The following EXTL3 variants were observed in gnomAD, a reference collection of about 807,000 sequenced individuals.
EXTL3 encodes the protein exostosin-like 3.
In EXTL3, 27 loss-of-function variants were observed where a neutral mutation model predicts 69.3. The ratio of observed to expected loss-of-function variants is 0.39; its 90% CI spans 0.29 to 0.54. The LOEUF is 0.54. Among genes scored for constraint, EXTL3 ranks in the 20% least tolerant of loss-of-function variants. EXTL3 has a pLI of 0.69. For missense variants in EXTL3, 1,003 were observed against 1,231.8 expected (o/e 0.81, Z 2.78); for synonymous variants, 511 against 499.4 (o/e 1.02, Z -0.31).
intron 1 of EXTL3, among the ~76,000 whole-genome samples, chr8:28,672,544 A>G (rs945549191): frequency 3.9e-5 from 6 of 152,192 alleles, no homozygotes; most frequent in Non-Finnish European, 7.4e-5. Flanking sequence ...ACTGGTTCTC[A>G]AAGTGTATTC....
At chr8:28,671,614 C>T (rs1232018607) in intron 1 of EXTL3, among the ~76,000 whole-genome samples, 1 of 152,206 alleles carries the variant, frequency 6.6e-6, no homozygotes. Context: ...GCTGGGATTA[C>T]AGGCATGAGC....
At chr8:28,705,899 C>G (rs879578344) in intron 1 of EXTL3, among the ~76,000 whole-genome samples, 1 of 152,144 alleles carries the variant, frequency 6.6e-6, no homozygotes, top group Non-Finnish European at 1.5e-5. Context: ...GCAGAAATCA[C>G]CTATAATTTC....
chr8:28,639,292 C>T (rs1425267267), intron 1 of EXTL3, among the ~76,000 whole-genome samples: 1 of 152,066 alleles, frequency 6.6e-6, no homozygotes, highest in Admixed American at 6.6e-5. Context: ...AGTCCAGTCC[C>T]GGGTTCTCAA....
chr8:28,696,096 T>A (rs1467337328), intron 1 of EXTL3: 1 of 152,170 alleles, frequency 6.6e-6, no homozygotes. Context: ...AGGGTCTTCC[T>A]GTGTTGCCCA....
intron 3 of EXTL3, among the ~76,000 whole-genome samples, chr8:28,723,640 GTTTTTTTTTTTT>G (rs34831917): frequency 8.3e-6 from 1 of 120,930 alleles, no homozygotes; most frequent in East Asian, 2.4e-4. Flanking sequence ...GCTCAGGACT[GTTTTTTTTTTTT>G]TTTTTTTGAG....
intron 1 of EXTL3, among the ~76,000 whole-genome samples, chr8:28,679,729 T>TA (rs33956566): frequency 7.5e-4 from 105 of 140,696 alleles, no homozygotes; most frequent in Admixed American, 1.2e-3. Context: ...CCCTACCTCT[T>TA]AAAAAAAAAA....
At chr8:28,658,064 G>A (rs918241744) in intron 1 of EXTL3, among the ~76,000 whole-genome samples, 1 of 152,210 alleles carries the variant, frequency 6.6e-6, no homozygotes, top group African/African-American at 2.4e-5. Flanking sequence ...CAGGGGCACC[G>A]GGCAGGAAGC....
At chr8:28,655,694 A>G (rs751595798) in intron 1 of EXTL3, among the ~76,000 whole-genome samples, 15 of 151,822 alleles carry the variant, frequency 9.9e-5, no homozygotes, top group Non-Finnish European at 1.5e-4. Context: ...AGGTTTTGCT[A>G]TGTTTCCTAG....
At chr8:28,621,080 T>C (rs904508224), upstream of EXTL3, among the ~76,000 whole-genome samples, 4 of 152,206 alleles carry the variant, frequency 2.6e-5, no homozygotes, top group Non-Finnish European at 5.9e-5. Context: ...TGTCATTCAG[T>C]GTGTGTGATT....
intron 1 of EXTL3, among the ~76,000 whole-genome samples, chr8:28,671,855 T>C (rs1807299952): frequency 6.6e-6 from 1 of 152,158 alleles, no homozygotes; most frequent in Non-Finnish European, 1.5e-5. Context: ...CTTGCAGTGA[T>C]TTTTTCAGAG....
upstream of EXTL3, among the ~76,000 whole-genome samples, chr8:28,618,901 G>C (rs997898703): frequency 6.6e-6 from 1 of 150,554 alleles, no homozygotes; most frequent in Non-Finnish European, 1.5e-5. Flanking sequence ...TGGCTAACAC[G>C]ATGAAACCCC....
rs1425739946 is a variant in EXTL3 at position 28,731,481 on chromosome 8, TGGCTGGATGCA to T, written c.2276+136_2276+146del. ...AGATAGTCAGGGCTGATGTAGGACG[TGGCTGGATGCA>T]GGCTCGTAGATGGCGTTGGAGGAGT... On this transcript the variant is annotated intron_variant, in intron 4 of 6. Transcript: ENST00000220562. 3 of 927,338 alleles carry T rather than the reference TGGCTGGATGCA, an allele frequency of 3.2e-6. No homozygotes were observed. The African/African-American group carries it at 4.9e-5, about 15-fold the overall frequency. The allele number at this position is 927,338 out of a possible 1,614,324, so 57.4% of individuals were successfully genotyped here.
chr8:28,740,741 A>G (rs1801759211), intron 5 of EXTL3: 1 of 152,120 alleles, frequency 6.6e-6, no homozygotes, highest in Non-Finnish European at 1.5e-5. Context: ...ATATATATGT[A>G]TATTTACTTA....
chr8:28,631,110 A>T lies in EXTL3; in HGVS notation c.-53+8300A>T, dbSNP rs189953528. Among the ~76,000 whole-genome samples, 3 of 152,108 alleles carry T rather than the reference A, an allele frequency of 2.0e-5. No homozygotes were observed. The East Asian group carries it at 5.8e-4, about 29-fold the overall frequency. ...GTGACATCATTTTCTTATTCTAGTA[A>T]GAGAAAGTACACAGATTCAACTTTA... On this transcript the variant is annotated intron_variant, in intron 1 of 6. Coordinates refer to the EXTL3 transcript ENST00000523149.
At chr8:28,626,833 C>T (rs1806498703) in intron 1 of EXTL3, among the ~76,000 whole-genome samples, 1 of 152,194 alleles carries the variant, frequency 6.6e-6, no homozygotes, top group Admixed American at 6.5e-5. Flanking sequence ...CCTCAGGCGT[C>T]AGCATGGGAG....
At chr8:28,704,692 G>A (rs948923981) in intron 1 of EXTL3, among the ~76,000 whole-genome samples, 3 of 150,598 alleles carry the variant, frequency 2.0e-5, no homozygotes, top group East Asian at 1.9e-4. Context: ...CTATTGAGAC[G>A]GCGTCTCGCT....
chr8:28,641,158 A>G (rs976115819), intron 1 of EXTL3, among the ~76,000 whole-genome samples: 28 of 152,204 alleles, frequency 1.8e-4, no homozygotes, highest in African/African-American at 6.5e-4. Context: ...CATTGTATTC[A>G]GTTCTCCTAC....
intron 2 of EXTL3, among the ~76,000 whole-genome samples, chr8:28,610,649 G>A (rs901042701): frequency 2.6e-5 from 4 of 151,974 alleles, no homozygotes; most frequent in African/African-American, 4.8e-5. Flanking sequence ...ATACCTATGC[G>A]ATGATTCTTA....
chr8:28,643,419 TTTTTTTC>T (rs1806775781), intron 1 of EXTL3, among the ~76,000 whole-genome samples: 1 of 136,044 alleles, frequency 7.4e-6, no homozygotes, highest in African/African-American at 3.0e-5. Flanking sequence ...TTTTTTTTTC[TTTTTTTC>T]TTTTTTGAGA....
Sources: allele counts gnomAD v4.1 joint callset (sites outside exome capture counted in the v4.1 genomes callset), GRCh38; gene constraint gnomAD v4.1.1; transcripts MANE v1.5; gene names NCBI Gene and HGNC (gene_info 2026-07-23, HGNC 2026-07-21).